ATP11A: variants seen among roughly 807,000 people sequenced by gnomAD.
ATP11A encodes the protein phospholipid-transporting ATPase IH.
A neutral mutation model predicts 154.4 loss-of-function variants in ATP11A; 81 were observed. That is an observed-to-expected ratio of 0.52 (90% CI 0.44 to 0.63). The LOEUF is 0.63. ATP11A is among the 30% of genes least tolerant of loss of function. The pLI, the probability that ATP11A is intolerant of heterozygous loss-of-function variation, is 0.00. For missense variants in ATP11A, 1,316 were observed against 1,474.3 expected, an observed-to-expected ratio of 0.89 and a Z score of 1.76; for synonymous variants, 623 against 585.9, an observed-to-expected ratio of 1.06 and a Z score of -0.91.
chr13:112,713,501 T>C (rs1030637739), intron 1 of ATP11A, among the ~76,000 whole-genome samples: 1 of 152,240 alleles, frequency 6.6e-6, no homozygotes, highest in African/African-American at 2.4e-5. Context: ...ATTCATGTTA[T>C]TAAACAAGTA....
Position 112,881,906 on chromosome 13 carries a change from G to T in ATP11A, c.*40G>T. 7.3e-7 allele frequency: 1 copy of T among 1,367,718 alleles called. No individual in the cohort carries two copies. The highest frequency in any genetic ancestry group is 1.5e-5 in the African/African-American group (1 of 67,832). 84.7% of individuals were successfully genotyped at this position (1,367,718 alleles called of 1,614,324 possible). ...AGGCTACCAGAGCACCTGTCCCTCG[G>T]CCGCCTGGTACAGCTCCCACTCTCA... On this transcript the variant is annotated 3_prime_UTR_variant, in exon 30 of 30. Transcript: ENST00000375645.
At chr13:112,760,079 C>T (rs1048340029) in intron 1 of ATP11A, among the ~76,000 whole-genome samples, 1 of 152,222 alleles carries the variant, frequency 6.6e-6, no homozygotes, top group Non-Finnish European at 1.5e-5. Flanking sequence ...AGATTTGACT[C>T]TGTTGAAGAG....
At chr13:112,880,169 TA>T in intron 29 of ATP11A, 1 of 155,148 alleles carries the variant, frequency 6.4e-6, no homozygotes. Context: ...GTAGAGCGGT[TA>T]CTGGAGCTCG....
chr13:112,854,391 A>C lies in ATP11A; in HGVS notation c.2104A>C (p.Lys702Gln), dbSNP rs752453788. The change falls in exon 19 of 30, where the codon AAG becomes CAG. Residue 702 changes from lysine to glutamine, a missense_variant. Lys to Gln is a moderately conservative substitution (Grantham distance 53). Transcript: ENST00000375645. ...GGCCGCGGCCACGTGCTACGCCTGC[A>C]AGCTCTTCCGCAGGAACACGCAGCT... Reference protein sequence around the residue: ...ETAAATCYACKLFRRNTQLLE... With the variant: ...ETAAATCYACQLFRRNTQLLE... 1.2e-6 allele frequency: 2 copies of C among 1,613,818 alleles called. No homozygotes were observed. Among genetic ancestry groups the C allele is most frequent in the Admixed American group, 3.3e-5 (2 of 59,992 alleles).
At chr13:112,739,354 A>G (rs1234206602) in intron 1 of ATP11A, among the ~76,000 whole-genome samples, 1 of 152,258 alleles carries the variant, frequency 6.6e-6, no homozygotes, top group Non-Finnish European at 1.5e-5. Context: ...GGGCCAGCCA[A>G]TGAATGAAAA....
intron 29 of ATP11A, chr13:112,881,573 ACT>A: frequency 8.6e-7 from 1 of 1,156,600 alleles, no homozygotes; most frequent in African/African-American, 1.6e-5. Flanking sequence ...GGGGACGGTC[ACT>A]CTGTTGGTAC....
chr13:112,701,595 G>A (rs1322072879), intron 1 of ATP11A, among the ~76,000 whole-genome samples: 1 of 152,158 alleles, frequency 6.6e-6, no homozygotes, highest in Non-Finnish European at 1.5e-5. Context: ...CACTTTGGGA[G>A]GCCGAGGCGG....
rs1264963776 is a variant in ATP11A at position 112,696,483 on chromosome 13, G to A, written c.39+6028G>A. On this transcript the variant is annotated intron_variant, in intron 1 of 29. Transcript: ENST00000375645. The surrounding 1 kb of genome is among the most constrained non-coding windows in gnomAD (Gnocchi z 6.2). ...TCTGCCGAAGTCCAGTCCCGTGTGTGCTGCGGCCCCGTCTCTCTCCCTCTC... is the reference window on the plus strand; with the variant it reads ...TCTGCCGAAGTCCAGTCCCGTGTGTACTGCGGCCCCGTCTCTCTCCCTCTC... Among the ~76,000 whole-genome samples, 1 of 152,114 alleles carries A rather than the reference G, an allele frequency of 6.6e-6. No individual in the cohort carries two copies. The highest frequency in any genetic ancestry group is 1.5e-5 in the Non-Finnish European group (1 of 68,016).
intron 1 of ATP11A, among the ~76,000 whole-genome samples, chr13:112,736,579 C>T (rs1891022413): frequency 1.3e-5 from 2 of 152,312 alleles, no homozygotes; most frequent in African/African-American, 2.4e-5. Context: ...AAGTCCTGAT[C>T]TTTCTCCTCC....
At chr13:112,879,894 A>G (rs1351725679) in intron 29 of ATP11A, among the ~76,000 whole-genome samples, 1 of 152,248 alleles carries the variant, frequency 6.6e-6, no homozygotes, top group Non-Finnish European at 1.5e-5. Context: ...CGATTTGCAC[A>G]TATATGCCCG....
intron 2 of ATP11A, among the ~76,000 whole-genome samples, chr13:112,786,752 A>T (rs2077637520): frequency 6.6e-6 from 1 of 152,280 alleles, no homozygotes; most frequent in Non-Finnish European, 1.5e-5. Context: ...CGGGCTGCAC[A>T]TGGGGATGCC....
In ATP11A at chr13:112,785,375, A is replaced by G. The variant is rs1454568646; in HGVS notation, c.162+118A>G. ...TCCTGGCCCTGCTGTCACAGCCACCAGCCACCCCCAGCAAGGGCTTCGGAT... is the reference window on the plus strand; with the variant it reads ...TCCTGGCCCTGCTGTCACAGCCACCGGCCACCCCCAGCAAGGGCTTCGGAT... On this transcript the variant is annotated intron_variant, in intron 2 of 29. Transcript: ENST00000375645. The surrounding 1 kb of genome is among the most constrained non-coding windows in gnomAD (Gnocchi z 4.8). 20 of 1,194,770 alleles carry G rather than the reference A, an allele frequency of 1.7e-5. No individual in the cohort carries two copies. Among genetic ancestry groups the G allele is most frequent in the Non-Finnish European group, 2.1e-5 (19 of 921,328 alleles). 74.0% of individuals were successfully genotyped at this position (1,194,770 alleles called of 1,614,324 possible). A position where few individuals can be genotyped will look rare whatever the true frequency, so the allele number is the denominator to read the frequency against.
Position 112,858,187 on chromosome 13 carries a change from A to C in ATP11A, c.2564A>C (p.Asp855Ala). The C allele has an allele frequency of 6.2e-7, 1 of 1,614,052 alleles. No individual in the cohort carries two copies. The highest frequency in any genetic ancestry group is 8.5e-7 in the Non-Finnish European group (1 of 1,180,022). The change falls in exon 22 of 30, where the codon GAC (aspartate) becomes GCC (alanine). Residue 855 changes from aspartate to alanine, a missense_variant. By Grantham distance (126) the Asp-to-Ala change is moderately radical (BLOSUM62 -2). Transcript: ENST00000375645. ...KEGRQAARNSDYAIPKFKHLK... is the reference protein window; with the variant it reads ...KEGRQAARNSAYAIPKFKHLK... ...GGCCGCCAGGCTGCCAGGAACAGCG[A>C]CTATGCAATCCCAAAGTTTAAGCAT...
Position 112,751,289 on chromosome 13 carries a change from G to A in ATP11A, c.40-33846G>A, listed in dbSNP as rs182557280. On this transcript the variant is annotated intron_variant, in intron 1 of 29. Transcript: ENST00000375645. Reference sequence around the variant, plus strand: ...CGTTTTTCTTCCATGAACAGCCTGCGAATACACCCTGCCATTTGTTTATTG... The same window carrying A: ...CGTTTTTCTTCCATGAACAGCCTGCAAATACACCCTGCCATTTGTTTATTG... Among the ~76,000 whole-genome samples the A allele has an allele frequency of 1.0e-3, 158 of 152,336 alleles. 1 individual carries two copies. Among genetic ancestry groups the A allele is most frequent in the African/African-American group, 3.6e-3 (149 of 41,574 alleles).
At chr13:112,818,259 C>T (rs1282622147) in intron 6 of ATP11A, among the ~76,000 whole-genome samples, 1 of 147,940 alleles carries the variant, frequency 6.8e-6, no homozygotes, top group Non-Finnish European at 1.5e-5. Flanking sequence ...CGCTTGGTGA[C>T]GGGGCGATGA....
At chr13:112,818,225 G>A (rs541451907) in intron 6 of ATP11A, among the ~76,000 whole-genome samples, 65 of 151,340 alleles carry the variant, frequency 4.3e-4, no homozygotes, top group Non-Finnish European at 8.4e-4. Flanking sequence ...GGTGCGCTTG[G>A]TGACGGGGCG....
intron 1 of ATP11A, among the ~76,000 whole-genome samples, chr13:112,704,587 C>T (rs1277037125): frequency 6.6e-6 from 1 of 152,230 alleles, no homozygotes; most frequent in Non-Finnish European, 1.5e-5. Flanking sequence ...GGGTGTCCCC[C>T]TCCCTCTGTA....
chr13:112,875,287 C>T lies in ATP11A; in HGVS notation c.3162-489C>T, dbSNP rs774627494. Among the ~76,000 whole-genome samples, 10 of 152,160 alleles carry T rather than the reference C, an allele frequency of 6.6e-5. No homozygotes were observed. The highest frequency in any genetic ancestry group is 3.3e-4 in the Admixed American group (5 of 15,280). On this transcript the variant is annotated intron_variant, in intron 27 of 29. Transcript: ENST00000375645. This position sits in a 1 kb window ranked among gnomAD's most constrained non-coding sequence, Gnocchi z 4.1. The stretch of plus-strand genomic sequence containing the variant: ...ACGTATAGACGTGGACCTGTGGGCT[C>T]GGGCTGGCTGCGGGTCACTGGTCCC...
chr13:112,698,035 G>A (rs1886083610), intron 1 of ATP11A, among the ~76,000 whole-genome samples: 1 of 152,174 alleles, frequency 6.6e-6, no homozygotes, highest in Non-Finnish European at 1.5e-5. Flanking sequence ...CTAAAGTTAA[G>A]ACTCCTGTGC....
Sources: gnomAD v4.1 joint callset for allele counts (sites outside exome capture counted in the v4.1 genomes callset) on GRCh38, gnomAD v4.1.1 for gene constraint, Gnocchi (gnomAD v3.1) non-coding constraint, MANE v1.5 for transcripts, NCBI Gene and HGNC (gene_info 2026-07-23, HGNC 2026-07-21) for gene names.